Variants in GRIP1 observed in about 807,000 individuals in gnomAD.
The protein encoded by GRIP1 is glutamate receptor interacting protein 1.
Under a neutral mutation model 129.9 loss-of-function variants are expected in GRIP1, and 45 were observed. The observed-to-expected ratio is 0.35, with a 90% CI of 0.27 to 0.44. The LOEUF (loss-of-function observed/expected upper bound fraction) is 0.44, where lower values mean the gene tolerates loss of function less well. Ranked by LOEUF, GRIP1 falls within the 20% of genes least tolerant of loss-of-function variation. The pLI is 1.00. For missense variants in GRIP1, 1,196 were observed against 1,396.8 expected (o/e 0.86, Z 2.29); for synonymous variants, 530 against 520.8 (o/e 1.02, Z -0.24).
chr12:66,406,516 GGTAGT>G, intron 15 of GRIP1, 88 bp from the exon 16 acceptor site: 2 of 1,273,074 alleles, frequency 1.6e-6, no homozygotes, highest in Non-Finnish European at 2.3e-6. Flanking sequence ...GCAGCATTAT[GGTAGT>G]CTTTAGAGGA....
At chr12:66,484,154 C>T (rs566091683) in intron 7 of GRIP1, among the ~76,000 whole-genome samples, 26 of 152,274 alleles carry the variant, frequency 1.7e-4, no homozygotes, top group Non-Finnish European at 2.2e-4. Flanking sequence ...CCACTGCGCC[C>T]GGCCCATTAT....
intron 11 of GRIP1, 59 bp downstream of exon 11, chr12:66,455,350 G>A: frequency 6.7e-7 from 1 of 1,490,314 alleles, no homozygotes; most frequent in Non-Finnish European, 9.4e-7. Context: ...GTATTTTCAA[G>A]GCTCCATTGC....
At chr12:66,559,104 A>G (rs538257080) in intron 2 of GRIP1, among the ~76,000 whole-genome samples, 1 of 151,482 alleles carries the variant, frequency 6.6e-6, no homozygotes, top group Non-Finnish European at 1.5e-5. Context: ...GATGCTGAAA[A>G]AGCATTTGAT....
At chr12:66,742,760 G>C (rs551252620) in intron 1 of GRIP1, among the ~76,000 whole-genome samples, 20 of 152,016 alleles carry the variant, frequency 1.3e-4, no homozygotes, top group Non-Finnish European at 2.2e-4. Context: ...GCTGAGAGAA[G>C]AAAAGGGCAA....
rs2062282691 is a variant in GRIP1, at chr12:66,555,209, ACT to A, written c.137-13261_137-13260del. Among the ~76,000 whole-genome samples the A allele has an allele frequency of 4.6e-5, 7 of 152,140 alleles. No homozygotes were observed. The South Asian group carries it at 1.5e-3, about 32-fold the overall frequency. On this transcript the variant is annotated intron_variant, in intron 2 of 24. Coordinates refer to ENST00000359742, the MANE Select transcript of GRIP1 (RefSeq NM_001366722.1). ...TCCAGGTGGCTCAGCACAGAGACAG[ACT>A]CTGTCTGTTTGGGAGAAAGTATGGC...
chr12:66,545,449 G>A (rs1056261726), intron 2 of GRIP1, among the ~76,000 whole-genome samples: 1 of 152,066 alleles, frequency 6.6e-6, no homozygotes, highest in Admixed American at 6.5e-5. Flanking sequence ...CCTTTATATA[G>A]ACAAACAACA....
intron 1 of GRIP1, among the ~76,000 whole-genome samples, chr12:66,748,104 C>T (rs2037008264): frequency 6.6e-6 from 1 of 152,012 alleles, no homozygotes; most frequent in African/African-American, 2.4e-5. Context: ...CTGCAACCTC[C>T]ACCTTCTGGG....
chr12:66,431,102 T>G (rs6581693), intron 14 of GRIP1, among the ~76,000 whole-genome samples: 141,497 of 152,220 alleles, frequency 0.93, 66,379 homozygotes, highest in Non-Finnish European at 1. Context: ...GTTGCATGAG[T>G]GTTTGCATGC....
At position 66,585,422 on chromosome 12, in the gene GRIP1, G is replaced by A. The variant is rs1023937263; in HGVS notation, c.136+11425C>T. 1.0e-4 allele frequency among the ~76,000 whole-genome samples: 14 copies of A among 135,796 alleles called. 1 individual carries two copies. Among genetic ancestry groups the A allele is most frequent in the African/African-American group, 3.3e-4 (12 of 36,772 alleles). 89.1% of individuals were successfully genotyped at this position (135,796 alleles called of 152,430 possible). ...CCAGTTTCATCCATGTCCCTACAAA[G>A]GACATGAACTCATCATTTTTTATGG... On this transcript the variant is annotated intron_variant, in intron 2 of 24. Transcript: ENST00000359742.
intron 1 of GRIP1, among the ~76,000 whole-genome samples, chr12:67,063,125 G>A (rs2043563972): frequency 6.6e-6 from 1 of 152,114 alleles, no homozygotes; most frequent in Non-Finnish European, 1.5e-5. Flanking sequence ...GAAAACAAGG[G>A]CTTTAAAAAG....
chr12:66,813,354 A>C (rs2039139863), intron 1 of GRIP1, among the ~76,000 whole-genome samples: 1 of 152,164 alleles, frequency 6.6e-6, no homozygotes, highest in Non-Finnish European at 1.5e-5. Flanking sequence ...AGAGATCTGC[A>C]CCGATGATCC....
chr12:66,359,639 A>G (rs1425357824), intron 23 of GRIP1, among the ~76,000 whole-genome samples: 3 of 152,248 alleles, frequency 2.0e-5, no homozygotes, highest in Non-Finnish European at 4.4e-5. Context: ...TTTAAATCTA[A>G]AAGTAATCTA....
At chr12:66,427,651 G>A (rs1436026305) in intron 14 of GRIP1, among the ~76,000 whole-genome samples, 1 of 152,120 alleles carries the variant, frequency 6.6e-6, no homozygotes, top group African/African-American at 2.4e-5. Context: ...GATGGAAAAT[G>A]CTGACCACCA....
chr12:66,763,339 C>T (rs17102883), intron 1 of GRIP1, among the ~76,000 whole-genome samples: 1,997 of 152,166 alleles, frequency 0.013, 53 homozygotes, highest in African/African-American at 0.046. Context: ...AGTCATTTGC[C>T]GGTTTGAATT....
At chr12:67,035,247 C>T (rs977078997) in intron 1 of GRIP1, among the ~76,000 whole-genome samples, 7 of 152,146 alleles carry the variant, frequency 4.6e-5, no homozygotes, top group African/African-American at 7.2e-5. Context: ...CCATAAAGCT[C>T]GGGCTTCGCA....
chr12:66,751,673 T>C (rs1592808337), intron 1 of GRIP1, among the ~76,000 whole-genome samples: 1 of 152,196 alleles, frequency 6.6e-6, no homozygotes, highest in Non-Finnish European at 1.5e-5. Flanking sequence ...TAAATGGGCA[T>C]TGAATTAAAT....
chr12:66,970,594 C>T (rs892550973), intron 1 of GRIP1, among the ~76,000 whole-genome samples: 26 of 134,384 alleles, frequency 1.9e-4, no homozygotes, highest in African/African-American at 6.5e-4. Context: ...TCCTGAGACC[C>T]CCTCTCCTTG....
intron 9 of GRIP1, 139 bp from the exon 10 acceptor site, chr12:66,456,481 C>T (rs2058968210): frequency 2.5e-6 from 1 of 401,318 alleles, no homozygotes; most frequent in Non-Finnish European, 4.5e-6. Flanking sequence ...AACAAATCTA[C>T]TTGGCTTTGC....
chr12:66,531,375 A>G (rs1384070055), intron 4 of GRIP1, among the ~76,000 whole-genome samples: 1 of 150,304 alleles, frequency 6.7e-6, no homozygotes, highest in African/African-American at 2.4e-5. Context: ...GGCATTGTTT[A>G]AAAAAACTTT....
Sources: gnomAD v4.1 joint callset for allele counts (sites outside exome capture counted in the v4.1 genomes callset) on GRCh38, gnomAD v4.1.1 for gene constraint, MANE v1.5 for transcripts, NCBI Gene and HGNC (gene_info 2026-07-23, HGNC 2026-07-21) for gene names.